Variants in DPP6 observed in about 807,000 individuals in gnomAD.
DPP6 encodes the protein dipeptidyl peptidase like 6, also known as A-type potassium channel modulatory protein DPP6.
In DPP6, 69 loss-of-function variants were observed where a neutral mutation model predicts 122.6. The ratio of observed to expected loss-of-function variants is 0.56; its 90% confidence interval spans 0.46 to 0.69. DPP6 has a LOEUF of 0.69. Among genes scored for constraint, DPP6 ranks in the 30% least tolerant of loss-of-function variants. The probability of loss-of-function intolerance (pLI) is 0.00; values close to 1 mark genes in which losing one functional copy is unlikely to be tolerated. For missense variants in DPP6, 928 were observed against 1,116.9 expected (o/e 0.83, Z 2.41); for synonymous variants, 418 against 433.1 (o/e 0.97, Z 0.43).
intron 3 of DPP6, among the ~76,000 whole-genome samples, chr7:154,479,570 A>AAAAAAAAAAAG (rs572938567): frequency 1.3e-4 from 13 of 101,616 alleles, no homozygotes; most frequent in African/African-American, 3.5e-4. Context: ...AAAAAAAAAA[A>AAAAAAAAAAAG]AAAAGAAAAG....
chr7:153,765,278 A>G, the DPP6 span, among the ~76,000 whole-genome samples: 3 of 152,124 alleles, frequency 2.0e-5, no homozygotes, highest in Non-Finnish European at 2.9e-5. Context: ...GTGGTGGCCC[A>G]TGCCTGTAAT....
At chr7:154,790,815 G>A (rs1432462384) in intron 10 of DPP6, among the ~76,000 whole-genome samples, 2 of 144,634 alleles carry the variant, frequency 1.4e-5, no homozygotes, top group Non-Finnish European at 3.0e-5. Flanking sequence ...GGAAAGGAGG[G>A]AGGGAGGGAG....
chr7:153,929,049 C>G, intron 1 of DPP6, among the ~76,000 whole-genome samples: 1 of 152,096 alleles, frequency 6.6e-6, no homozygotes, highest in East Asian at 1.9e-4. Context: ...TGGGCTTTAC[C>G]TCCAGAGAGA....
At chr7:153,899,756 C>T (rs1799562886) in intron 1 of DPP6, among the ~76,000 whole-genome samples, 1 of 152,206 alleles carries the variant, frequency 6.6e-6, no homozygotes, top group Non-Finnish European at 1.5e-5. Flanking sequence ...CGCCCACTGA[C>T]TCCATGTGAG....
At chr7:154,448,943 A>T (rs934102785) in intron 2 of DPP6, among the ~76,000 whole-genome samples, 1 of 152,226 alleles carries the variant, frequency 6.6e-6, no homozygotes, top group Admixed American at 6.5e-5. Flanking sequence ...GACCCAAAAT[A>T]TAAGAGCTAA....
the DPP6 span, among the ~76,000 whole-genome samples, chr7:153,835,684 G>T: frequency 6.6e-6 from 1 of 152,172 alleles, no homozygotes; most frequent in Non-Finnish European, 1.5e-5. Context: ...TTTTTGATTG[G>T]TGTTAGGAAC....
chr7:154,592,881 C>G (rs1055012110), intron 5 of DPP6, among the ~76,000 whole-genome samples: 2 of 152,176 alleles, frequency 1.3e-5, no homozygotes, highest in African/African-American at 2.4e-5. Flanking sequence ...AATACAGCCT[C>G]GCAAACTGAG....
intron 6 of DPP6, among the ~76,000 whole-genome samples, chr7:154,668,197 T>TATA (rs1838288618): frequency 2.7e-5 from 1 of 36,476 alleles, no homozygotes; most frequent in African/African-American, 5.9e-5. Flanking sequence ...TGTGTATATT[T>TATA]TATATATATA....
intron 1 of DPP6, among the ~76,000 whole-genome samples, chr7:154,201,421 G>A (rs926480460): frequency 6.6e-6 from 1 of 152,166 alleles, no homozygotes; most frequent in Admixed American, 6.5e-5. Context: ...GAGCCACCAC[G>A]CCTGACCAGG....
intron 8 of DPP6, among the ~76,000 whole-genome samples, chr7:154,735,595 T>C (rs1842535546): frequency 6.6e-6 from 1 of 152,230 alleles, no homozygotes; most frequent in Admixed American, 6.5e-5. Context: ...TCTCCAACTC[T>C]GTAAAGTATT....
intron 8 of DPP6, among the ~76,000 whole-genome samples, chr7:154,756,781 G>A (rs1457797867): frequency 6.6e-6 from 1 of 152,102 alleles, no homozygotes; most frequent in Non-Finnish European, 1.5e-5. Context: ...ACTTGATTCA[G>A]CTCGCGAGAT....
the DPP6 span, among the ~76,000 whole-genome samples, chr7:153,816,931 C>G: frequency 6.6e-6 from 1 of 152,054 alleles, no homozygotes; most frequent in Non-Finnish European, 1.5e-5. Flanking sequence ...AAGGTGGCAT[C>G]AAGACCAGCG....
chr7:153,996,849 A>G (rs1585150999), intron 1 of DPP6, among the ~76,000 whole-genome samples: 1 of 152,182 alleles, frequency 6.6e-6, no homozygotes, highest in East Asian at 1.9e-4. Flanking sequence ...TTTCCAAAAA[A>G]TGGTTGTTCT....
Position 154,486,107 on chromosome 7 carries a change from TCTC to T in DPP6, c.457+11074_457+11076del, listed in dbSNP as rs751407565. On this transcript the variant is annotated intron_variant, in intron 3 of 25. Coordinates refer to ENST00000377770, the MANE Select transcript of DPP6 (RefSeq NM_130797.4). The surrounding 1 kb of genome is among the most constrained non-coding windows in gnomAD (Gnocchi z 4.5). The stretch of plus-strand genomic sequence containing the variant: ...GCCTCAGTGTACCTTGCCTCCCCGG[TCTC>T]CTCACCACCCCTACTCATGGCCTCT... Among the ~76,000 whole-genome samples the T allele has an allele frequency of 1.3e-5, 2 of 151,726 alleles. No homozygotes were observed. The highest frequency in any genetic ancestry group is 2.9e-5 in the Non-Finnish European group (2 of 67,938).
chr7:154,047,098 T>A (rs1291922859), intron 1 of DPP6, among the ~76,000 whole-genome samples: 10 of 151,470 alleles, frequency 6.6e-5, no homozygotes, highest in Admixed American at 6.6e-4. Flanking sequence ...AGAATGCCTC[T>A]GGGCTGATGC....
chr7:154,539,578 A>C (rs1028358246), intron 3 of DPP6, among the ~76,000 whole-genome samples: 1 of 151,928 alleles, frequency 6.6e-6, no homozygotes. Context: ...ACATGTATAC[A>C]TATGTAACAA....
rs536292415 is a variant in DPP6 at position 153,987,737 on chromosome 7, C to T, written c.51+100003C>T. Among the ~76,000 whole-genome samples, 52 of 152,202 alleles carry T rather than the reference C, an allele frequency of 3.4e-4. No individual in the cohort carries two copies. In the Middle Eastern group the frequency reaches 0.014, roughly 40 times the overall value. ...TGCAGCTGGGGAGGACTTTCTCCAT[C>T]TGTTTCCCCTTGGTACCATTGATTT... On this transcript the variant is annotated intron_variant, in intron 1 of 25. Coordinates refer to the DPP6 transcript ENST00000404039.
chr7:153,853,953 TTC>T, the DPP6 span, among the ~76,000 whole-genome samples: 1 of 149,604 alleles, frequency 6.7e-6, no homozygotes, highest in African/African-American at 2.5e-5. Flanking sequence ...TGCCTAGGTT[TTC>T]TTCTAGGGTT....
chr7:154,374,218 CATT>C (rs1052925889), intron 1 of DPP6, among the ~76,000 whole-genome samples: 6 of 152,104 alleles, frequency 3.9e-5, no homozygotes, highest in African/African-American at 1.4e-4. Context: ...ACCTTGGGGA[CATT>C]ATTTCATGTT....
Sources: gnomAD v4.1 joint callset for allele counts (sites outside exome capture counted in the v4.1 genomes callset) on GRCh38, gnomAD v4.1.1 for gene constraint, Gnocchi (gnomAD v3.1) non-coding constraint, MANE v1.5 for transcripts, NCBI Gene and HGNC (gene_info 2026-07-23, HGNC 2026-07-21) for gene names.